PAFAH1B1: variants seen among roughly 807,000 people sequenced by gnomAD.
PAFAH1B1 encodes the protein platelet activating factor acetylhydrolase 1b regulatory subunit 1.
A neutral mutation model predicts 57.5 loss-of-function variants in PAFAH1B1; 2 were observed. The ratio of observed to expected loss-of-function variants is 0.03; its 90% CI spans 0.01 to 0.11. The LOEUF is 0.11. Ranked by LOEUF, PAFAH1B1 falls within the 10% of genes least tolerant of loss-of-function variation. The probability of loss-of-function intolerance (pLI) is 1.00; values close to 1 mark genes in which losing one functional copy is unlikely to be tolerated. For missense variants in PAFAH1B1, 257 were observed against 512.0 expected, an observed-to-expected ratio of 0.50 and a Z score of 4.81; for synonymous variants, 152 against 169.6, an observed-to-expected ratio of 0.90 and a Z score of 0.81.
chr17:2,635,124 G>C (rs7209580), intron 1 of PAFAH1B1, among the ~76,000 whole-genome samples: 42,595 of 150,530 alleles, frequency 0.28, 6,166 homozygotes, highest in Middle Eastern at 0.35. Context: ...GATTGTGCCA[G>C]TGCCCTCCTG....
rs996316749 is a variant in PAFAH1B1, at chr17:2,684,384, T to C, written c.*2582T>C. 1.3e-5 allele frequency: 2 copies of C among 152,682 alleles called. No homozygotes were observed. The highest frequency in any genetic ancestry group is 4.8e-5 in the African/African-American group (2 of 41,458). 9.5% of individuals were successfully genotyped at this position (152,682 alleles called of 1,614,324 possible). ...CCTGGGATAAGGACAATGATGAGGT[T>C]ACTGGTTTGGATTGTAAGTAGAGGA... On this transcript the variant is annotated 3_prime_UTR_variant, in exon 11 of 11. Transcript: ENST00000397195.
intron 1 of PAFAH1B1, among the ~76,000 whole-genome samples, chr17:2,628,056 G>C (rs926919117): frequency 3.3e-5 from 5 of 152,104 alleles, no homozygotes; most frequent in Non-Finnish European, 7.4e-5. Context: ...TTACTGACTT[G>C]GATGCCCTTT....
At chr17:2,594,612 G>T (rs1370363746) in intron 1 of PAFAH1B1, among the ~76,000 whole-genome samples, 2 of 152,172 alleles carry the variant, frequency 1.3e-5, no homozygotes, top group Admixed American at 1.3e-4. Flanking sequence ...CTGGCCCCCG[G>T]TGCGGCGGTC....
At chr17:2,636,910 C>T (rs925644736) in intron 1 of PAFAH1B1, among the ~76,000 whole-genome samples, 3 of 151,938 alleles carry the variant, frequency 2.0e-5, no homozygotes, top group Admixed American at 2.0e-4. Flanking sequence ...TCTGTAGAGA[C>T]GGGGTCTCCT....
At chr17:2,630,112 G>A (rs780228807) in intron 1 of PAFAH1B1, among the ~76,000 whole-genome samples, 3 of 152,084 alleles carry the variant, frequency 2.0e-5, no homozygotes, top group Non-Finnish European at 4.4e-5. Context: ...GTGAGGTACC[G>A]CGGCATTCAT....
At position 2,674,298 on chromosome 17, in the gene PAFAH1B1, A is replaced by G. The variant is rs746199176; in HGVS notation, c.900+10A>G. 3.0e-5 allele frequency: 47 copies of G among 1,579,368 alleles called. No individual in the cohort carries two copies. In the African/African-American group the frequency reaches 5.0e-4, roughly 17 times the overall value. On this transcript the variant is annotated intron_variant, in intron 8 of 10. Coordinates refer to ENST00000397195, the MANE Select transcript of PAFAH1B1 (RefSeq NM_000430.4). The stretch of plus-strand genomic sequence containing the variant: ...AGCAACAGGATCTGAGGTACTGTAT[A>G]TACAAATGTCTTCATGGTTTTATTG...
In PAFAH1B1 at chr17:2,683,494, C is replaced by A. The variant is rs1163739428; in HGVS notation, c.*1692C>A. On this transcript the variant is annotated 3_prime_UTR_variant, in exon 11 of 11. Coordinates refer to ENST00000397195, the MANE Select transcript of PAFAH1B1 (RefSeq NM_000430.4). ...AAGACAAAGGGTGAGAGTTAGCGTC[C>A]TGTAGATACACACAGAGACTAGGCC... The A allele has an allele frequency of 1.3e-5, 2 of 152,278 alleles. No individual in the cohort carries two copies. Among genetic ancestry groups the A allele is most frequent in the South Asian group, 4.1e-4 (2 of 4,828 alleles). 9.4% of individuals were successfully genotyped at this position (152,278 alleles called of 1,614,324 possible).
intron 2 of PAFAH1B1, among the ~76,000 whole-genome samples, chr17:2,664,275 T>A (rs994311772): frequency 6.6e-6 from 1 of 152,092 alleles, no homozygotes; most frequent in African/African-American, 2.4e-5. Context: ...GTAGTTTCGC[T>A]GTTGTTGCCT....
chr17:2,678,656 G>A (rs1017056658), intron 9 of PAFAH1B1, among the ~76,000 whole-genome samples: 1 of 152,186 alleles, frequency 6.6e-6, no homozygotes, highest in Non-Finnish European at 1.5e-5. Flanking sequence ...GGGAGGCCAA[G>A]GCAGGAGGAG....
At chr17:2,603,714 T>A (rs1202333343) in intron 1 of PAFAH1B1, among the ~76,000 whole-genome samples, 2 of 151,846 alleles carry the variant, frequency 1.3e-5, no homozygotes, top group Non-Finnish European at 2.9e-5. Flanking sequence ...TGATTGACAT[T>A]GGGTAATTTG....
intron 6 of PAFAH1B1, 129 bp from the exon 7 acceptor site, chr17:2,672,526 A>T (rs535903138): frequency 1.4e-6 from 1 of 690,038 alleles, no homozygotes; most frequent in Non-Finnish European, 2.6e-6. Context: ...TCCAATTTGT[A>T]TAAAATCCAG....
chr17:2,644,830 G>A (rs1260658511), intron 2 of PAFAH1B1, among the ~76,000 whole-genome samples: 2 of 152,130 alleles, frequency 1.3e-5, no homozygotes, highest in Non-Finnish European at 2.9e-5. Context: ...ATCAGGATAA[G>A]TATTTAAGCA....
At chr17:2,619,968 C>A (rs899668979) in intron 1 of PAFAH1B1, among the ~76,000 whole-genome samples, 7 of 151,934 alleles carry the variant, frequency 4.6e-5, no homozygotes, top group Non-Finnish European at 5.9e-5. Flanking sequence ...TATTATTATT[C>A]TTTGTGGAGA....
rs1312402641 is a variant in PAFAH1B1 at position 2,685,483 on chromosome 17, A to G, written c.*3681A>G. On this transcript the variant is annotated 3_prime_UTR_variant, in exon 11 of 11. Coordinates refer to ENST00000397195, the MANE Select transcript of PAFAH1B1 (RefSeq NM_000430.4). The stretch of plus-strand genomic sequence containing the variant: ...TTAAAAAATCAGTAAAGGAATGTAT[A>G]TAATATTGCTCTCGTGTTTTACAGT... 6.6e-6 allele frequency: 1 copy of G among 152,670 alleles called. No homozygotes were observed. Among genetic ancestry groups the G allele is most frequent in the Non-Finnish European group, 1.5e-5 (1 of 68,042 alleles). 9.5% of individuals were successfully genotyped at this position (152,670 alleles called of 1,614,324 possible).
rs1237874939 is a variant in PAFAH1B1 at position 2,593,947 on chromosome 17, G to A, written c.-250G>A. On this transcript the variant is annotated 5_prime_UTR_variant, in exon 1 of 11. Transcript: ENST00000397195. ...CCTCCCCTCTCCCTCCCCCTCCCCCGCCGGTGGATGGGAGTGAAGGACGGA... is the reference window on the plus strand; with the variant it reads ...CCTCCCCTCTCCCTCCCCCTCCCCCACCGGTGGATGGGAGTGAAGGACGGA... 4.2e-5 allele frequency: 5 copies of A among 118,846 alleles called. No homozygotes were observed. Among genetic ancestry groups the A allele is most frequent in the African/African-American group, 1.6e-4 (5 of 30,932 alleles). The allele number at this position is 118,846 out of a possible 1,614,324, so 7.4% of individuals were successfully genotyped here. A position where few individuals can be genotyped will look rare whatever the true frequency, so the allele number is the denominator to read the frequency against.
In PAFAH1B1 at chr17:2,682,927, G is replaced by GT. The variant is rs2069406815; in HGVS notation, c.*1126dup. 6.5e-6 allele frequency: 1 copy of GT among 152,772 alleles called. No individual in the cohort carries two copies. Among genetic ancestry groups the GT allele is most frequent in the East Asian group, 1.9e-4 (1 of 5,192 alleles). 9.5% of individuals were successfully genotyped at this position (152,772 alleles called of 1,614,324 possible). On this transcript the variant is annotated 3_prime_UTR_variant, in exon 11 of 11. Transcript: ENST00000397195. Reference sequence around the variant, plus strand: ...TGTTTGTAAGTATATGGGCCTATCTGTAAGTGGATAAGTCTGTATGTGTGT... The same window carrying GT: ...TGTTTGTAAGTATATGGGCCTATCTGTTAAGTGGATAAGTCTGTATGTGTGT...
intron 1 of PAFAH1B1, among the ~76,000 whole-genome samples, chr17:2,604,974 A>T (rs1397677102): frequency 2.0e-5 from 3 of 152,208 alleles, no homozygotes; most frequent in African/African-American, 7.2e-5. Flanking sequence ...AGCCAGATTG[A>T]TAGAATTTGT....
In PAFAH1B1 at chr17:2,683,092, C is replaced by T. The variant is rs2069409962; in HGVS notation, c.*1290C>T. The T allele has an allele frequency of 6.6e-6, 1 of 152,168 alleles. No individual in the cohort carries two copies. The highest frequency in any genetic ancestry group is 1.5e-5 in the Non-Finnish European group (1 of 68,030). 9.4% of individuals were successfully genotyped at this position (152,168 alleles called of 1,614,324 possible). A position where few individuals can be genotyped will look rare whatever the true frequency, so the allele number is the denominator to read the frequency against. On this transcript the variant is annotated 3_prime_UTR_variant, in exon 11 of 11. Coordinates refer to ENST00000397195, the MANE Select transcript of PAFAH1B1 (RefSeq NM_000430.4). Reference sequence around the variant, plus strand: ...ATCTTAATGCTTCTGAAAACTAGGTCTGACTCTGGGGATTTTTTTCCAGCC... The same window carrying T: ...ATCTTAATGCTTCTGAAAACTAGGTTTGACTCTGGGGATTTTTTTCCAGCC...
rs998257061 is a variant in PAFAH1B1 at position 2,658,982 on chromosome 17, A to G, written c.33-6390A>G. Among the ~76,000 whole-genome samples the G allele has an allele frequency of 5.9e-5, 9 of 152,156 alleles. No homozygotes were observed. In the South Asian group the frequency reaches 1.7e-3, roughly 28 times the overall value. On this transcript the variant is annotated intron_variant, in intron 2 of 10. Coordinates refer to ENST00000397195, the MANE Select transcript of PAFAH1B1 (RefSeq NM_000430.4). Reference sequence around the variant, plus strand: ...AGTTTAGGAAGTCTTGGCTGGACACAGTGGCTCACACCTGTAATCCCAGCA... The same window carrying G: ...AGTTTAGGAAGTCTTGGCTGGACACGGTGGCTCACACCTGTAATCCCAGCA...
Sources: gnomAD v4.1 joint callset for allele counts (sites outside exome capture counted in the v4.1 genomes callset) on GRCh38, gnomAD v4.1.1 for gene constraint, MANE v1.5 for transcripts, NCBI Gene and HGNC (gene_info 2026-07-23, HGNC 2026-07-21) for gene names.